The following UGT2A1 variants were observed in gnomAD, a reference collection of about 807,000 sequenced individuals.
UGT2A1 encodes UDP-glucuronosyltransferase 2A1.
Under a neutral mutation model 45.4 loss-of-function variants are expected in UGT2A1, and 61 were observed. The observed-to-expected ratio is 1.34, with a 90% CI of 1.09 to 1.66. The LOEUF (loss-of-function observed/expected upper bound fraction) is 1.66, where lower values mean the gene tolerates loss of function less well. Among genes scored for constraint, UGT2A1 ranks in the 40% most tolerant of loss-of-function variants. UGT2A1 has a pLI of 0.00. For synonymous variants in UGT2A1, 229 were observed against 196.2 expected (o/e 1.17, Z -1.40); for missense variants, 649 against 574.3 (o/e 1.13, Z -1.33).
chr4:69,620,604 T>C (rs1232026023), intron 3 of UGT2A1, among the ~76,000 whole-genome samples: 1 of 151,334 alleles, frequency 6.6e-6, no homozygotes, highest in Non-Finnish European at 1.5e-5. Flanking sequence ...ATTAATACCA[T>C]TCTTCACAGA....
At chr4:69,608,415 T>C (rs1719807756) in intron 3 of UGT2A1, among the ~76,000 whole-genome samples, 1 of 108,620 alleles carries the variant, frequency 9.2e-6, no homozygotes, top group Non-Finnish European at 1.9e-5. Flanking sequence ...CACCGGGGCC[T>C]GTTGTGGGGT....
Position 69,635,745 on chromosome 4 carries a change from T to C in UGT2A1, c.793A>G (p.Lys265Glu). 4.2e-6 allele frequency: 1 copy of C among 236,182 alleles called. No homozygotes were observed. Among genetic ancestry groups the C allele is most frequent in the Non-Finnish European group, 8.7e-6 (1 of 114,648 alleles). The allele number at this position is 236,182 out of a possible 1,614,324, so 14.6% of individuals were successfully genotyped here. A position where few individuals can be genotyped will look rare whatever the true frequency, so the allele number is the denominator to read the frequency against. The change falls in exon 3 of 7, where the codon AAG (lysine) becomes GAG (glutamate). Residue 265 changes from lysine (K) to glutamate (E), a missense_variant. Coordinates refer to ENST00000286604, the MANE Select transcript of UGT2A1 (RefSeq NM_001252275.3). ...TGGAGGCTGAGGCGGGAGAATCGCT[T>C]GAACCCGGGAAGCAGAGGTTGCAGT... ...GSLQPLLPGFKRFSRLSLHCS... is the reference protein window; with the variant it reads ...GSLQPLLPGFERFSRLSLHCS...
intron 3 of UGT2A1, chr4:69,603,415 C>T (rs945298650): frequency 1.5e-5 from 2 of 137,000 alleles, no homozygotes; most frequent in African/African-American, 5.9e-5. Flanking sequence ...AACCCCATCT[C>T]TACATCACCA....
intron 3 of UGT2A1, among the ~76,000 whole-genome samples, chr4:69,623,363 AG>A (rs1356936615): frequency 6.6e-6 from 1 of 151,762 alleles, no homozygotes; most frequent in Non-Finnish European, 1.5e-5. Flanking sequence ...TTTGAATACA[AG>A]TAATTTTTGT....
chr4:69,621,475 GC>G (rs1450221021), intron 3 of UGT2A1, among the ~76,000 whole-genome samples: 1 of 151,936 alleles, frequency 6.6e-6, no homozygotes, highest in East Asian at 1.9e-4. Context: ...AGTCAGATTA[GC>G]TTTTATTAAA....
At chr4:69,601,488 C>A (rs1359159836) in intron 3 of UGT2A1, among the ~76,000 whole-genome samples, 1 of 152,152 alleles carries the variant, frequency 6.6e-6, no homozygotes, top group African/African-American at 2.4e-5. Context: ...GGCTAGAGGC[C>A]AACTGACAGT....
chr4:69,646,068 T>C (rs933088194), intron 2 of UGT2A1, among the ~76,000 whole-genome samples: 1 of 151,868 alleles, frequency 6.6e-6, no homozygotes, highest in African/African-American at 2.4e-5. Flanking sequence ...TTGTATATAT[T>C]TCCATATTTA....
At chr4:69,639,494 T>C (rs757342074) in intron 2 of UGT2A1, 1 of 1,613,414 alleles carries the variant, frequency 6.2e-7, no homozygotes, top group Non-Finnish European at 8.5e-7. Context: ...TCAACTCTTC[T>C]AGAATAATCT....
At chr4:69,595,841 C>T (rs531384806) in intron 4 of UGT2A1, among the ~76,000 whole-genome samples, 2 of 152,142 alleles carry the variant, frequency 1.3e-5, no homozygotes, top group Non-Finnish European at 2.9e-5. Flanking sequence ...AAAACCTAGA[C>T]ATTCGAATTA....
At chr4:69,642,678 T>A (rs1722099534) in intron 2 of UGT2A1, among the ~76,000 whole-genome samples, 1 of 151,654 alleles carries the variant, frequency 6.6e-6, no homozygotes, top group South Asian at 2.1e-4. Flanking sequence ...AATCTAGATT[T>A]CTTATTTACT....
intron 3 of UGT2A1, among the ~76,000 whole-genome samples, chr4:69,628,095 G>A (rs1721189482): frequency 6.6e-6 from 1 of 151,868 alleles, no homozygotes; most frequent in Non-Finnish European, 1.5e-5. Context: ...ATGTCAAGAA[G>A]CATTTCCCTA....
chr4:69,634,544 G>T (rs189119068), intron 3 of UGT2A1, among the ~76,000 whole-genome samples: 11 of 152,030 alleles, frequency 7.2e-5, no homozygotes, highest in Non-Finnish European at 1.6e-4. Context: ...GATAGAGGGG[G>T]AAGGTTAAGA....
At chr4:69,635,241 C>T (rs988001539) in intron 3 of UGT2A1, among the ~76,000 whole-genome samples, 2 of 152,050 alleles carry the variant, frequency 1.3e-5, no homozygotes, top group African/African-American at 4.8e-5. Context: ...GAGGGCCCAA[C>T]ATGGTACTGA....
In UGT2A1 at chr4:69,635,737, G is replaced by A. The variant is rs1321953513; in HGVS notation, c.801C>T (p.Phe267=). ...LQPLLPGFKR[F]SRLSLHCSWD... ...AACTACAATGGAGGCTGAGGCGGGA[G>A]AATCGCTTGAACCCGGGAAGCAGAG... The change falls in exon 3 of 7, where the codon TTC becomes TTT. Residue 267 remains phenylalanine, a synonymous_variant. Coordinates refer to ENST00000286604, the MANE Select transcript of UGT2A1 (RefSeq NM_001252275.3). 2 of 242,704 alleles carry A rather than the reference G, an allele frequency of 8.2e-6. No individual in the cohort carries two copies. Among genetic ancestry groups the A allele is most frequent in the South Asian group, 3.6e-5 (1 of 27,774 alleles). 15.0% of individuals were successfully genotyped at this position (242,704 alleles called of 1,614,324 possible).
chr4:69,607,896 C>A (rs1285237884), intron 3 of UGT2A1, among the ~76,000 whole-genome samples: 1 of 152,004 alleles, frequency 6.6e-6, no homozygotes, highest in Non-Finnish European at 1.5e-5. Flanking sequence ...GTTAGAATGG[C>A]GATCATTAAA....
At chr4:69,615,152 C>A (rs1272752309) in intron 3 of UGT2A1, among the ~76,000 whole-genome samples, 2 of 151,974 alleles carry the variant, frequency 1.3e-5, no homozygotes, top group Admixed American at 1.3e-4. Context: ...ACACAGGAGA[C>A]AAACCATATC....
At chr4:69,606,410 A>T (rs1486610753) in intron 3 of UGT2A1, among the ~76,000 whole-genome samples, 4 of 136,746 alleles carry the variant, frequency 2.9e-5, no homozygotes, top group Non-Finnish European at 6.2e-5. Flanking sequence ...TTAGGTATTG[A>T]TGGGATGTAT....
At chr4:69,608,220 C>G in intron 3 of UGT2A1, among the ~76,000 whole-genome samples, 1 of 152,068 alleles carries the variant, frequency 6.6e-6, no homozygotes, top group Admixed American at 6.6e-5. Flanking sequence ...CACGTATACA[C>G]CATGGAATAC....
rs1023158777 is a variant in UGT2A1 at position 69,606,339 on chromosome 4, T to C, written c.848-6945A>G. On this transcript the variant is annotated intron_variant, in intron 3 of 6. Coordinates refer to ENST00000286604, the MANE Select transcript of UGT2A1 (RefSeq NM_001252275.3). ...GACAAAAACCACATGATTATCTCAA[T>C]AGATGCAGAAAAGGCCTTGAAAAAA... Among the ~76,000 whole-genome samples, 2 of 136,240 alleles carry C rather than the reference T, an allele frequency of 1.5e-5. 1 individual carries two copies. The highest frequency in any genetic ancestry group is 3.1e-5 in the Non-Finnish European group (2 of 64,232). 89.4% of individuals were successfully genotyped at this position (136,240 alleles called of 152,430 possible). A position where few individuals can be genotyped will look rare whatever the true frequency, so the allele number is the denominator to read the frequency against.
Sources: gnomAD v4.1 joint callset for allele counts (sites outside exome capture counted in the v4.1 genomes callset) on GRCh38, gnomAD v4.1.1 for gene constraint, MANE v1.5 for transcripts, NCBI Gene and HGNC (gene_info 2026-07-23, HGNC 2026-07-21) for gene names.